The following RSPO4 variants were observed in gnomAD, a reference collection of about 807,000 sequenced individuals.
RSPO4 encodes the protein R-spondin 4, also known as R-spondin-4.
RSPO4 carries 23 observed loss-of-function variants against 24.8 expected under a neutral mutation model. The ratio of observed to expected loss-of-function variants is 0.93; its 90% CI spans 0.67 to 1.31. The LOEUF (loss-of-function observed/expected upper bound fraction) is 1.31. Ranked by LOEUF, RSPO4 falls within the 40% of genes most tolerant of loss-of-function variation. The pLI, the probability that RSPO4 is intolerant of heterozygous loss-of-function variation, is 0.00. For synonymous variants in RSPO4, 141 were observed against 127.4 expected (o/e 1.11, Z -0.72); for missense variants, 333 against 316.5 (o/e 1.05, Z -0.39).
At chr20:973,968 T>C (rs1327959920) in intron 1 of RSPO4, among the ~76,000 whole-genome samples, 3 of 152,182 alleles carry the variant, frequency 2.0e-5, no homozygotes, top group Non-Finnish European at 4.4e-5. Context: ...TGGTGTTTCG[T>C]CATGTCTCTG....
chr20:964,413 GAGA>G (rs1984114755), intron 3 of RSPO4, among the ~76,000 whole-genome samples: 1 of 152,128 alleles, frequency 6.6e-6, no homozygotes, highest in African/African-American at 2.4e-5. Context: ...CTCGTCAGGT[GAGA>G]AGAAGGAAGC....
intron 1 of RSPO4, among the ~76,000 whole-genome samples, chr20:988,795 C>T (rs942836253): frequency 3.9e-5 from 6 of 152,124 alleles, no homozygotes; most frequent in Non-Finnish European, 4.4e-5. Context: ...AAGTGATCCA[C>T]CCGACTCAGC....
chr20:994,195 C>T (rs1357210626), intron 1 of RSPO4, among the ~76,000 whole-genome samples: 1 of 152,168 alleles, frequency 6.6e-6, no homozygotes, highest in Non-Finnish European at 1.5e-5. Flanking sequence ...CTTTTGTAAA[C>T]CTTTGATGCC....
At chr20:963,471 C>T (rs944883473) in intron 4 of RSPO4, among the ~76,000 whole-genome samples, 7 of 152,208 alleles carry the variant, frequency 4.6e-5, no homozygotes, top group East Asian at 3.9e-4. Context: ...ACCACGGCCG[C>T]GGTCCTCACT....
rs755637414 is a variant in RSPO4 at position 968,027 on chromosome 20, C to A, written c.191G>T (p.Arg64Leu). ...GTCGTGCAGGCACTTGCCGTACTGGCGGATGCCTTCCCGGCGGATGAACAG... is the reference window on the plus strand; with the variant it reads ...GTCGTGCAGGCACTTGCCGTACTGGAGGATGCCTTCCCGGCGGATGAACAG... ...LFLFIRREGI[R>L]QYGKCLHDCP... Residue 64 changes from arginine (R) to leucine (L), a missense_variant, in exon 2 of 5, where the codon CGC becomes CTC. Arg to Leu is a moderately radical substitution (Grantham distance 102). Coordinates refer to ENST00000217260, the MANE Select transcript of RSPO4 (RefSeq NM_001029871.4). 2 of 1,614,118 alleles carry A rather than the reference C, an allele frequency of 1.2e-6. No homozygotes were observed. The highest frequency in any genetic ancestry group is 1.3e-5 in the African/African-American group (1 of 74,950).
rs776663727 is a variant in RSPO4, at chr20:959,860, C to T, written c.*497G>A. ...GCAGAAGCAGGGCCTTCAGGATTCA[C>T]CTGTGCTGTGTCCCAGCTTTGCCCT... is the stretch of plus-strand genomic sequence containing the variant. On this transcript the variant is annotated 3_prime_UTR_variant, in exon 5 of 5. Transcript: ENST00000217260. The T allele has an allele frequency of 2.5e-4, 41 of 166,884 alleles. No individual in the cohort carries two copies. Among genetic ancestry groups the T allele is most frequent in the Non-Finnish European group, 4.4e-4 (34 of 76,996 alleles). The allele number at this position is 166,884 out of a possible 1,614,324, so 10.3% of individuals were successfully genotyped here. A position where few individuals can be genotyped will look rare whatever the true frequency, so the allele number is the denominator to read the frequency against.
rs1461410817 is a variant in RSPO4, at chr20:997,202, CCTCAGTGGCCTCAAT to C, written c.79+4869_79+4883del. On this transcript the variant is annotated intron_variant, in intron 1 of 4. Transcript: ENST00000217260. Reference sequence around the variant, plus strand: ...TGGCACATGGCCCGCCTCCCTCCTTCCTCAGTGGCCTCAATCTCAGTGGCCTGAATCTCCTTCAGT... The same window carrying C: ...TGGCACATGGCCCGCCTCCCTCCTTCCTCAGTGGCCTGAATCTCCTTCAGT... Among the ~76,000 whole-genome samples, 18 of 152,346 alleles carry C rather than the reference CCTCAGTGGCCTCAAT, an allele frequency of 1.2e-4. No individual in the cohort carries two copies. In the East Asian group the frequency reaches 3.5e-3, roughly 29 times the overall value.
At chr20:995,569 G>C (rs151151091) in intron 1 of RSPO4, among the ~76,000 whole-genome samples, 8 of 152,220 alleles carry the variant, frequency 5.3e-5, no homozygotes, top group African/African-American at 1.9e-4. Context: ...ACACACCTGG[G>C]GAATGATGTA....
In RSPO4 at chr20:970,541, T is replaced by A. The variant is rs1006610555; in HGVS notation, c.80-2403A>T. Among the ~76,000 whole-genome samples, 1 of 152,114 alleles carries A rather than the reference T, an allele frequency of 6.6e-6. No individual in the cohort carries two copies. The highest frequency in any genetic ancestry group is 2.4e-5 in the African/African-American group (1 of 41,412). On this transcript the variant is annotated intron_variant, in intron 1 of 4. Transcript: ENST00000217260. The surrounding 1 kb of genome is among the most constrained non-coding windows in gnomAD (Gnocchi z 4.1). ...AAGAAACTGCAACAGGAGAGCAGAA[T>A]AAAGATTTTTGTGCCTCTGGAGCTG...
rs77472961 is a variant in RSPO4 at position 967,211 on chromosome 20, C to T, written c.372G>A (p.Pro124=). The change falls in exon 3 of 5, where the codon CCG becomes CCA. Residue 124 remains proline, a synonymous_variant. Transcript: ENST00000217260. ...YKGKCLPTCP[P]GTLAHQNTRE... is the part of the protein sequence containing the mutation. Reference sequence around the variant, plus strand: ...GTGTGTTCTGGTGGGCCAAAGTGCCCGGCGGGCAGGTGGGCAGACACTTCC... The same window carrying T: ...GTGTGTTCTGGTGGGCCAAAGTGCCTGGCGGGCAGGTGGGCAGACACTTCC... The T allele has an allele frequency of 2.0e-3, 3,199 of 1,614,116 alleles. 57 individuals carry two copies. In the African/African-American group the frequency reaches 0.038, roughly 19 times the overall value.
At chr20:989,227 A>G (rs908096848) in intron 1 of RSPO4, among the ~76,000 whole-genome samples, 1 of 152,134 alleles carries the variant, frequency 6.6e-6, no homozygotes, top group Non-Finnish European at 1.5e-5. Context: ...AGCCCCTGGA[A>G]GTAGAGAGAT....
At chr20:967,452 GC>G (rs1984250359) in intron 2 of RSPO4, 138 bp from the exon 3 acceptor site, 4 of 878,238 alleles carry the variant, frequency 4.6e-6, no homozygotes, top group Non-Finnish European at 7.5e-6. Context: ...CTCCTTTGAA[GC>G]CCAGACTTGG....
chr20:975,588 T>C (rs1343853513), intron 1 of RSPO4, among the ~76,000 whole-genome samples: 2 of 152,152 alleles, frequency 1.3e-5, no homozygotes, highest in Non-Finnish European at 1.5e-5. Flanking sequence ...TTATGGAGAA[T>C]GAGAGTGGAA....
At chr20:964,268 A>C (rs1984109875) in intron 3 of RSPO4, 148 bp from the exon 4 acceptor site, 1 of 646,222 alleles carries the variant, frequency 1.5e-6, no homozygotes, top group Admixed American at 2.9e-5. Flanking sequence ...AGTTATTTAT[A>C]AGAGCCTGGA....
At chr20:972,637 C>T (rs1423091599) in intron 1 of RSPO4, among the ~76,000 whole-genome samples, 1 of 152,100 alleles carries the variant, frequency 6.6e-6, no homozygotes, top group Non-Finnish European at 1.5e-5. Flanking sequence ...CCCAGGGCTG[C>T]CCACCGCCGA....
intron 3 of RSPO4, among the ~76,000 whole-genome samples, chr20:965,584 G>A (rs539543486): frequency 3.9e-5 from 6 of 152,342 alleles, no homozygotes; most frequent in South Asian, 4.1e-4. Context: ...GAACCAAGGC[G>A]GGAGACGGGC....
chr20:961,445 A>G (rs907821430), intron 4 of RSPO4, among the ~76,000 whole-genome samples: 1 of 152,176 alleles, frequency 6.6e-6, no homozygotes, highest in Non-Finnish European at 1.5e-5. Context: ...TTGGGTGTCA[A>G]CTATGTGCCC....
At chr20:963,180 G>T (rs148307962) in intron 4 of RSPO4, among the ~76,000 whole-genome samples, 1 of 152,176 alleles carries the variant, frequency 6.6e-6, no homozygotes, top group Non-Finnish European at 1.5e-5. Flanking sequence ...GGGATCCAGC[G>T]TGGGACAGTC....
At chr20:1,000,815 C>T (rs1287001689) in intron 1 of RSPO4, among the ~76,000 whole-genome samples, 1 of 152,170 alleles carries the variant, frequency 6.6e-6, no homozygotes, top group Non-Finnish European at 1.5e-5. Flanking sequence ...CTCTCTAGTC[C>T]CTTGTCCCAC....
Sources: allele counts gnomAD v4.1 joint callset (sites outside exome capture counted in the v4.1 genomes callset), GRCh38; gene constraint gnomAD v4.1.1; non-coding constraint Gnocchi (gnomAD v3.1); transcripts MANE v1.5; gene names NCBI Gene and HGNC (gene_info 2026-07-23, HGNC 2026-07-21).